The following CKAP2L variants were observed in gnomAD, a reference collection of about 807,000 sequenced individuals.
The protein encoded by CKAP2L is cytoskeleton associated protein 2L.
In CKAP2L, 42 loss-of-function variants were observed where a neutral mutation model predicts 65.7. That is an observed-to-expected ratio of 0.64 (90% CI 0.50 to 0.83). CKAP2L has a LOEUF of 0.83. Among genes scored for constraint, CKAP2L ranks in the 40% least tolerant of loss-of-function variants. The pLI is 0.00. For missense variants in CKAP2L, 908 were observed against 871.0 expected (o/e 1.04, Z -0.53); for synonymous variants, 325 against 313.5 (o/e 1.04, Z -0.39).
chr2:112,757,850 C>T (rs1422772975), intron 3 of CKAP2L, among the ~76,000 whole-genome samples: 1 of 152,138 alleles, frequency 6.6e-6, no homozygotes, highest in Non-Finnish European at 1.5e-5. Flanking sequence ...ATCCTAAGTG[C>T]CCTCCAAAGA....
At chr2:112,753,896 T>C (rs1003423707) in intron 4 of CKAP2L, among the ~76,000 whole-genome samples, 17 of 152,138 alleles carry the variant, frequency 1.1e-4, no homozygotes, top group African/African-American at 3.9e-4. Flanking sequence ...TCCCCTCAAA[T>C]GACACCTCCA....
At position 112,748,267 on chromosome 2, in the gene CKAP2L, G is replaced by A. The variant is rs183987252; in HGVS notation, c.1603-1692C>T. 3.6e-3 allele frequency among the ~76,000 whole-genome samples: 551 copies of A among 152,224 alleles called. 3 individuals are homozygous for A. Among genetic ancestry groups the A allele is most frequent in the African/African-American group, 0.013 (523 of 41,522 alleles). On this transcript the variant is annotated intron_variant, in intron 5 of 8. Transcript: ENST00000302450. ...GAAAACCAAAGATAAAAAGAAAATC[G>A]TACAAGCTTCCAGAGAGGGGGAAGA...
At chr2:112,741,155 G>A in intron 7 of CKAP2L, 148 bp from the exon 8 acceptor site, 1 of 647,212 alleles carries the variant, frequency 1.5e-6, no homozygotes, top group East Asian at 2.7e-5. Context: ...TTTGAAGTGT[G>A]ACTTATAACT....
chr2:112,764,240 C>T (rs553753139), intron 1 of CKAP2L: 1 of 426,916 alleles, frequency 2.3e-6, no homozygotes, highest in Admixed American at 3.9e-5. Flanking sequence ...CGCAGCTTCC[C>T]ACTGCTGGTG....
chr2:112,756,692 A>C lies in CKAP2L; in HGVS notation c.679T>G (p.Leu227Val). The C allele has an allele frequency of 6.3e-7, 1 of 1,592,838 alleles. No individual in the cohort carries two copies. Residue 227 changes from leucine to valine, a missense_variant, in exon 4 of 9, where the codon TTG becomes GTG. Transcript: ENST00000302450. ...GCACTATTAACTGAACTTTTGCCCA[A>C]GGCTTGTTTAGGAACTAAACTGTTC... ...TKNSLVPKQA[L>V]GKSSVNSAVL...
Position 112,738,735 on chromosome 2 carries a change from C to T in CKAP2L, c.*88G>A. On this transcript the variant is annotated 3_prime_UTR_variant, in exon 9 of 9. Coordinates refer to ENST00000302450, the MANE Select transcript of CKAP2L (RefSeq NM_152515.5). ...CGTCCATAATCTGCATCCATGATGC[C>T]TCTCTTTTTTTCCAGGTCACTTGGA... 1 of 846,478 alleles carries T rather than the reference C, an allele frequency of 1.2e-6. No homozygotes were observed. 52.4% of individuals were successfully genotyped at this position (846,478 alleles called of 1,614,324 possible). A position where few individuals can be genotyped will look rare whatever the true frequency, so the allele number is the denominator to read the frequency against.
chr2:112,751,527 AC>A (rs1680372878), intron 5 of CKAP2L, among the ~76,000 whole-genome samples: 1 of 152,180 alleles, frequency 6.6e-6, no homozygotes, highest in African/African-American at 2.4e-5. Context: ...TAATACAACA[AC>A]AAAAAAAGAG....
chr2:112,750,859 G>T (rs887005505), intron 5 of CKAP2L, among the ~76,000 whole-genome samples: 1 of 149,910 alleles, frequency 6.7e-6, no homozygotes, highest in Admixed American at 6.6e-5. Flanking sequence ...TAGGAAAAGA[G>T]CAATAAATAT....
At chr2:112,739,474 T>G (rs10165537) in intron 8 of CKAP2L, among the ~76,000 whole-genome samples, 69,572 of 152,060 alleles carry the variant, frequency 0.46, 15,929 homozygotes, top group Middle Eastern at 0.58. Context: ...TGTCCATCTG[T>G]TCTTGGATGG....
rs191994818 is a variant in CKAP2L at position 112,752,301 on chromosome 2, T to C, written c.1568A>G (p.Asn523Ser). 1 of 1,613,990 alleles carries C rather than the reference T, an allele frequency of 6.2e-7. No homozygotes were observed. Among genetic ancestry groups the C allele is most frequent in the African/African-American group, 1.3e-5 (1 of 75,044 alleles). The change falls in exon 5 of 9, where the codon AAC becomes AGC. Residue 523 changes from asparagine (N) to serine (S), a missense_variant. Transcript: ENST00000302450. Reference sequence around the variant, plus strand: ...GAGGTTCAGACATTCTGTCAGAGTGTTGTTAATTTTACTGGACAGTTCGAG... The same window carrying C: ...GAGGTTCAGACATTCTGTCAGAGTGCTGTTAATTTTACTGGACAGTTCGAG... The part of the protein sequence containing the change: ...AQLELSSKIN[N>S]TLTECLNLIE...
At chr2:112,744,906 G>T (rs923366451) in intron 6 of CKAP2L, among the ~76,000 whole-genome samples, 1 of 152,030 alleles carries the variant, frequency 6.6e-6, no homozygotes, top group Non-Finnish European at 1.5e-5. Context: ...AGCCTTTAAA[G>T]AATAATAGAG....
chr2:112,740,792 C>T (rs1480745726), intron 8 of CKAP2L, 26 bp downstream of exon 8: 1 of 1,571,838 alleles, frequency 6.4e-7, no homozygotes, highest in Non-Finnish European at 8.7e-7. Context: ...TCTGTGAACA[C>T]AAAGTCTGCT....
intron 3 of CKAP2L, among the ~76,000 whole-genome samples, chr2:112,759,470 C>CT (rs753715598): frequency 6.6e-6 from 1 of 152,240 alleles, no homozygotes; most frequent in Non-Finnish European, 1.5e-5. Context: ...TCACTTTTTA[C>CT]TTTTACAACT....
intron 4 of CKAP2L, 113 bp downstream of exon 4, chr2:112,755,864 T>C (rs996753907): frequency 9.7e-7 from 1 of 1,030,390 alleles, no homozygotes; most frequent in Non-Finnish European, 1.4e-6. Flanking sequence ...CAGACTGTAG[T>C]TAAAAATTAC....
rs143682516 is a variant in CKAP2L at position 112,763,066 on chromosome 2, G to GTT, written c.38-498_38-497insAA. 4.5e-3 allele frequency among the ~76,000 whole-genome samples: 689 copies of GTT among 152,284 alleles called. 6 individuals carry two copies. The highest frequency in any genetic ancestry group is 0.016 in the African/African-American group (663 of 41,542). On this transcript the variant is annotated intron_variant, in intron 1 of 8. Transcript: ENST00000302450. ...CTCCCAAAGTGCTAGGATTACAGGC[G>GTT]TAAGTCAAAGCACTCGGCCTAAATT...
chr2:112,752,964 C>A (rs1252110501), intron 4 of CKAP2L, among the ~76,000 whole-genome samples: 1 of 152,178 alleles, frequency 6.6e-6, no homozygotes, highest in Non-Finnish European at 1.5e-5. Flanking sequence ...ATGACTCTTT[C>A]ATAAGCTAGA....
At position 112,756,258 on chromosome 2, in the gene CKAP2L, C is replaced by T. The variant is rs2104883357; in HGVS notation, c.1113G>A (p.Lys371=). ...TAGGCCTCTGGCTTATGGCTTTTGA[C>T]TTTTGCAGTACACATGATGTCTGAG... The part of the protein sequence containing the change: ...CIPQTSCVLQ[K]SKAISQRPNL... The change falls in exon 4 of 9, where the codon AAG becomes AAA. Residue 371 remains lysine, a synonymous_variant. Coordinates refer to ENST00000302450, the MANE Select transcript of CKAP2L (RefSeq NM_152515.5). 1 of 1,614,122 alleles carries T rather than the reference C, an allele frequency of 6.2e-7. No individual in the cohort carries two copies. Among genetic ancestry groups the T allele is most frequent in the Non-Finnish European group, 8.5e-7 (1 of 1,180,022 alleles).
chr2:112,738,833 G>C lies in CKAP2L; in HGVS notation c.2228C>G (p.Pro743Arg). The change falls in exon 9 of 9, where the codon CCT (proline) becomes CGT (arginine). Residue 743 changes from proline to arginine, a missense_variant. Coordinates refer to ENST00000302450, the MANE Select transcript of CKAP2L (RefSeq NM_152515.5). ...AAAAGCATCAAGAAATTATGATTCA[G>C]GGGTTTGAAACCCCAATGTTACAGG... is the stretch of plus-strand genomic sequence containing the variant. ...ALPVTLGFQTPES is the reference protein window; with the variant it reads ...ALPVTLGFQTRES 2 of 1,599,218 alleles carry C rather than the reference G, an allele frequency of 1.3e-6. No homozygotes were observed. The highest frequency in any genetic ancestry group is 1.7e-6 in the Non-Finnish European group (2 of 1,166,586).
At position 112,754,631 on chromosome 2, in the gene CKAP2L, C is replaced by A. The variant is rs556233760; in HGVS notation, c.1394+1346G>T. Among the ~76,000 whole-genome samples, 3 of 152,334 alleles carry A rather than the reference C, an allele frequency of 2.0e-5. No individual in the cohort carries two copies. In the East Asian group the frequency reaches 5.8e-4, roughly 29 times the overall value. On this transcript the variant is annotated intron_variant, in intron 4 of 8. Transcript: ENST00000302450. Reference sequence around the variant, plus strand: ...GTGTGCTCATCACTGTGTCTCCTAGCGCCTGGCACACTGCAGGTGCTGAAG... The same window carrying A: ...GTGTGCTCATCACTGTGTCTCCTAGAGCCTGGCACACTGCAGGTGCTGAAG...
Sources: gnomAD v4.1 joint callset for allele counts (sites outside exome capture counted in the v4.1 genomes callset) on GRCh38, gnomAD v4.1.1 for gene constraint, MANE v1.5 for transcripts, NCBI Gene and HGNC (gene_info 2026-07-23, HGNC 2026-07-21) for gene names.